SYT1: variants seen among roughly 807,000 people sequenced by gnomAD.
SYT1 encodes synaptotagmin 1.
Under a neutral mutation model 44.8 loss-of-function variants are expected in SYT1, and 8 were observed. The observed-to-expected ratio is 0.18, with a 90% confidence interval of 0.10 to 0.32. SYT1 has a LOEUF of 0.32. SYT1 is among the 10% of genes least tolerant of loss of function. SYT1 has a pLI of 1.00. For synonymous variants in SYT1, 154 were observed against 188.8 expected (o/e 0.82, Z 1.51); for missense variants, 286 against 509.3 (o/e 0.56, Z 4.22).
chr12:79,009,803 C>A (rs1871307444), intron 2 of SYT1, among the ~76,000 whole-genome samples: 1 of 152,050 alleles, frequency 6.6e-6, no homozygotes, highest in Non-Finnish European at 1.5e-5. Context: ...GTTTCATTAT[C>A]ATCCTATGTT....
At chr12:78,896,623 C>T (rs1875372466) in intron 1 of SYT1, among the ~76,000 whole-genome samples, 1 of 151,742 alleles carries the variant, frequency 6.6e-6, no homozygotes, top group South Asian at 2.1e-4. Flanking sequence ...AAACCTCTCT[C>T]CTCATGTAAA....
chr12:79,207,213 C>A (rs1874176831), intron 3 of SYT1, among the ~76,000 whole-genome samples: 1 of 152,086 alleles, frequency 6.6e-6, no homozygotes. Flanking sequence ...GAGCTCTTTC[C>A]CACCTTTAGA....
At chr12:79,243,915 A>G (rs1181383113) in intron 4 of SYT1, among the ~76,000 whole-genome samples, 1 of 152,008 alleles carries the variant, frequency 6.6e-6, no homozygotes, top group Non-Finnish European at 1.5e-5. Context: ...GAAGGAAGGA[A>G]ATACAGGATG....
chr12:79,047,591 G>C (rs17273032), intron 3 of SYT1, among the ~76,000 whole-genome samples: 7 of 151,608 alleles, frequency 4.6e-5, no homozygotes, highest in Non-Finnish European at 7.4e-5. Context: ...GGCAGAAAAC[G>C]TTTATGATGA....
chr12:78,934,350 A>G (rs1345486359), intron 1 of SYT1, among the ~76,000 whole-genome samples: 3 of 151,906 alleles, frequency 2.0e-5, no homozygotes, highest in African/African-American at 4.8e-5. Context: ...GCAAAAACCT[A>G]TCTCTACAAA....
At chr12:78,964,737 C>T (rs745413357) in intron 1 of SYT1, among the ~76,000 whole-genome samples, 14 of 152,166 alleles carry the variant, frequency 9.2e-5, no homozygotes, top group Non-Finnish European at 1.5e-4. Flanking sequence ...TCTCCTCTCA[C>T]AGCAGTCTTG....
chr12:79,094,565 C>T (rs995980695), intron 3 of SYT1, among the ~76,000 whole-genome samples: 1 of 151,718 alleles, frequency 6.6e-6, no homozygotes, highest in Non-Finnish European at 1.5e-5. Flanking sequence ...TAGACAGATA[C>T]AATAATATAA....
chr12:78,912,107 A>G (rs1876369813), intron 1 of SYT1, among the ~76,000 whole-genome samples: 1 of 149,096 alleles, frequency 6.7e-6, no homozygotes, highest in African/African-American at 2.6e-5. Flanking sequence ...GATATATAAG[A>G]AAGATAATAT....
At chr12:79,254,720 A>T (rs943823360) in intron 4 of SYT1, among the ~76,000 whole-genome samples, 1 of 152,236 alleles carries the variant, frequency 6.6e-6, no homozygotes, top group Non-Finnish European at 1.5e-5. Context: ...GGAGGTCAAA[A>T]TATCAACATT....
At chr12:79,413,230 G>A (rs1250551819) in intron 9 of SYT1, among the ~76,000 whole-genome samples, 3 of 152,132 alleles carry the variant, frequency 2.0e-5, no homozygotes, top group East Asian at 1.9e-4. Context: ...ATCTTGGCTC[G>A]CATTGTGTTG....
intron 2 of SYT1, among the ~76,000 whole-genome samples, chr12:78,999,410 T>A (rs1203193920): frequency 6.6e-6 from 1 of 152,156 alleles, no homozygotes; most frequent in Admixed American, 6.6e-5. Context: ...TGTCTAAAAG[T>A]GGGAGACTAA....
At chr12:79,112,039 A>C (rs76424833) in intron 3 of SYT1, among the ~76,000 whole-genome samples, 1 of 150,950 alleles carries the variant, frequency 6.6e-6, no homozygotes, top group Non-Finnish European at 1.5e-5. Context: ...AAAAAAAAAA[A>C]CACAAAGAAC....
At chr12:79,043,763 G>A (rs1436020769) in intron 2 of SYT1, among the ~76,000 whole-genome samples, 1 of 152,118 alleles carries the variant, frequency 6.6e-6, no homozygotes, top group Non-Finnish European at 1.5e-5. Flanking sequence ...AGCGGCTGGT[G>A]CCAGTTGTTC....
intron 3 of SYT1, among the ~76,000 whole-genome samples, chr12:79,088,778 GTA>G (rs1555196839): frequency 7.8e-4 from 109 of 140,018 alleles, no homozygotes; most frequent in South Asian, 4.7e-3. Context: ...GTGTGTGTGT[GTA>G]TGTGTGTGTG....
chr12:79,182,987 C>A (rs912543598), intron 3 of SYT1, among the ~76,000 whole-genome samples: 1 of 152,034 alleles, frequency 6.6e-6, no homozygotes, highest in African/African-American at 2.4e-5. Context: ...AATAATCGTT[C>A]AGAGTAAGAA....
intron 8 of SYT1, among the ~76,000 whole-genome samples, chr12:79,340,632 C>T (rs1882325223): frequency 5.9e-5 from 9 of 152,188 alleles, no homozygotes; most frequent in Admixed American, 5.2e-4. Context: ...ATTTGACTTC[C>T]TGTTTTCCTA....
chr12:79,117,558 A>T (rs964525740), intron 3 of SYT1, among the ~76,000 whole-genome samples: 1 of 149,318 alleles, frequency 6.7e-6, no homozygotes. Context: ...GGCCTGATAG[A>T]CCCCAGCTTC....
chr12:79,116,045 ACTAAC>A (rs1245468038), intron 3 of SYT1, among the ~76,000 whole-genome samples: 3 of 152,208 alleles, frequency 2.0e-5, no homozygotes, highest in Non-Finnish European at 4.4e-5. Context: ...TGGTTCTGTC[ACTAAC>A]TAGCTGGATG....
chr12:79,331,625 C>A (rs981243569), intron 8 of SYT1, among the ~76,000 whole-genome samples: 8 of 151,396 alleles, frequency 5.3e-5, no homozygotes, highest in African/African-American at 1.9e-4. Flanking sequence ...ATTTTTTATC[C>A]CTTTGCAGAA....
Sources: allele counts gnomAD v4.1 joint callset (sites outside exome capture counted in the v4.1 genomes callset), GRCh38; gene constraint gnomAD v4.1.1; transcripts MANE v1.5; gene names NCBI Gene and HGNC (gene_info 2026-07-23, HGNC 2026-07-21).